The following ENO1 variants were observed in gnomAD, a reference collection of about 807,000 sequenced individuals.
The protein encoded by ENO1 is enolase 1.
Under a neutral mutation model 46.3 loss-of-function variants are expected in ENO1, and 33 were observed. The observed-to-expected ratio is 0.71, with a 90% CI of 0.54 to 0.95. ENO1 has a LOEUF of 0.95. Among genes scored for constraint, ENO1 ranks in the 40% least tolerant of loss-of-function variants. ENO1 has a pLI of 0.00. For missense variants in ENO1, 488 were observed against 553.3 expected (o/e 0.88, Z 1.18); for synonymous variants, 220 against 216.0 (o/e 1.02, Z -0.16).
intron 2 of ENO1, 80 bp downstream of exon 2, chr1:8,874,744 T>A (rs1303768184): frequency 7.7e-7 from 1 of 1,296,554 alleles, no homozygotes; most frequent in African/African-American, 1.5e-5. Flanking sequence ...TTTTTTTTCC[T>A]AAGGCTCCAG....
intron 4 of ENO1, among the ~76,000 whole-genome samples, chr1:8,868,282 G>A (rs1421243749): frequency 6.6e-6 from 1 of 152,130 alleles, no homozygotes; most frequent in African/African-American, 2.4e-5. Context: ...ATGCAACAGA[G>A]ATGGCACTCT....
chr1:8,866,587 C>G (rs766164257), intron 6 of ENO1, 86 bp from the exon 7 acceptor site: 7 of 1,429,194 alleles, frequency 4.9e-6, no homozygotes, highest in Non-Finnish European at 5.9e-6. Context: ...CCATCCCAAT[C>G]TAGCTCACAG....
intron 1 of ENO1, chr1:8,877,869 C>T (rs939934427): frequency 2.3e-5 from 2 of 86,928 alleles, no homozygotes; most frequent in Non-Finnish European, 2.6e-5. Flanking sequence ...GCAACAATAG[C>T]AAAACTCAAA....
chr1:8,866,200 G>A lies in ENO1; in HGVS notation c.667+79C>T, dbSNP rs1642509591. On this transcript the variant is annotated intron_variant, in intron 7 of 11. Transcript: ENST00000234590. ...GGTGGAAAGAATAGATTTCCACAGT[G>A]GCAGGTGTGGACGACCCCCCAACAG... 8 of 1,230,036 alleles carry A rather than the reference G, an allele frequency of 6.5e-6. No individual in the cohort carries two copies. The East Asian group carries it at 1.9e-4, about 29-fold the overall frequency. 76.2% of individuals were successfully genotyped at this position (1,230,036 alleles called of 1,614,324 possible). A position where few individuals can be genotyped will look rare whatever the true frequency, so the allele number is the denominator to read the frequency against.
At chr1:8,871,760 T>C (rs1297162148) in intron 3 of ENO1, 131 bp downstream of exon 3, 12 of 1,273,378 alleles carry the variant, frequency 9.4e-6, no homozygotes. Flanking sequence ...TCCATCAACA[T>C]CATGGGTCAC....
chr1:8,872,007 TGTA>T (rs1557585870), intron 2 of ENO1, 21 bp from the exon 3 acceptor site: 1 of 1,605,090 alleles, frequency 6.2e-7, no homozygotes, highest in East Asian at 2.2e-5. Context: ...GGAAAAAAGA[TGTA>T]GTAGCAATTC....
intron 4 of ENO1, 44 bp downstream of exon 4, chr1:8,870,408 T>G (rs2124088097): frequency 4.3e-6 from 7 of 1,613,596 alleles, no homozygotes; most frequent in Non-Finnish European, 5.9e-6. Flanking sequence ...TGGGAGACGC[T>G]CTGGTGGCAT....
intron 1 of ENO1, chr1:8,875,745 T>C (rs1190749164): frequency 6.6e-6 from 1 of 152,204 alleles, no homozygotes; most frequent in Non-Finnish European, 1.5e-5. Context: ...GTCTTCAGTG[T>C]TGTTATGTCA....
rs749592337 is a variant in ENO1 at position 8,861,880 on chromosome 1, TA to T, written c.1236-452del. Among the ~76,000 whole-genome samples the T allele has an allele frequency of 1.9e-3, 211 of 112,566 alleles. 1 individual carries two copies. The highest frequency in any genetic ancestry group is 3.5e-3 in the African/African-American group (100 of 28,286). The allele number at this position is 112,566 out of a possible 152,430, so 73.8% of individuals were successfully genotyped here. ...GTGTGAGCTGTTTGGATCTTGATGTTAAAAAAAAAAAAAAAAAAAAAGGCCA... is the reference window on the plus strand; with the variant it reads ...GTGTGAGCTGTTTGGATCTTGATGTTAAAAAAAAAAAAAAAAAAAAGGCCA... On this transcript the variant is annotated intron_variant, in intron 11 of 11. Transcript: ENST00000234590.
intron 9 of ENO1, among the ~76,000 whole-genome samples, chr1:8,863,677 A>G (rs1471374411): frequency 1.3e-5 from 2 of 152,188 alleles, no homozygotes; most frequent in Non-Finnish European, 2.9e-5. Flanking sequence ...CCCGAGCTCA[A>G]GTGATCCTCC....
chr1:8,870,896 G>A, intron 3 of ENO1: 1 of 1,254,492 alleles, frequency 8.0e-7, no homozygotes. Context: ...GCCCAGCAGA[G>A]GATGAAGAAG....
intron 7 of ENO1, 40 bp downstream of exon 7, chr1:8,866,239 T>A (rs1421274635): frequency 6.3e-7 from 1 of 1,584,094 alleles, no homozygotes; most frequent in Non-Finnish European, 8.6e-7. Flanking sequence ...GAGCTGGCGC[T>A]GCAGGGCTGG....
At chr1:8,865,069 T>G (rs949711748) in intron 8 of ENO1, among the ~76,000 whole-genome samples, 2 of 152,234 alleles carry the variant, frequency 1.3e-5, no homozygotes, top group Admixed American at 6.5e-5. Context: ...ATGTCGCTGC[T>G]GGCACCCGAG....
chr1:8,873,618 C>A (rs555623974), intron 2 of ENO1, among the ~76,000 whole-genome samples: 1 of 152,194 alleles, frequency 6.6e-6, no homozygotes, highest in South Asian at 2.1e-4. Flanking sequence ...CAGTGAGAAA[C>A]CCCACAGTGC....
Position 8,864,069 on chromosome 1 carries a change from C to A in ENO1, c.889G>T (p.Asp297Tyr). 1 of 1,614,052 alleles carries A rather than the reference C, an allele frequency of 6.2e-7. No homozygotes were observed. Among genetic ancestry groups the A allele is most frequent in the South Asian group, 1.1e-5 (1 of 91,066 alleles). Residue 297 changes from aspartate (D) to tyrosine (Y), a missense_variant, in exon 9 of 12, where the codon GAC becomes TAC. Transcript: ENST00000234590. ...YPVVSIEDPF[D>Y]QDDWGAWQKF... The stretch of plus-strand genomic sequence containing the variant: ...TGCCAAGCTCCCCAGTCATCCTGGT[C>A]AAAGGGATCTTCGATAGACACCACT...
At position 8,865,615 on chromosome 1, in the gene ENO1, C is replaced by A. The variant is rs1642495196; in HGVS notation, c.668-133G>T. 4.7e-6 allele frequency: 4 copies of A among 844,628 alleles called. No homozygotes were observed. In the African/African-American group the frequency reaches 5.1e-5, roughly 11 times the overall value. The allele number at this position is 844,628 out of a possible 1,614,324, so 52.3% of individuals were successfully genotyped here. A position where few individuals can be genotyped will look rare whatever the true frequency, so the allele number is the denominator to read the frequency against. On this transcript the variant is annotated intron_variant, in intron 7 of 11. Transcript: ENST00000234590. ...AGGCCCCAACCAGTAGTTCTGACAT[C>A]AGTTACTTTTTTTCTGCTTTGGGGC...
intron 2 of ENO1, among the ~76,000 whole-genome samples, chr1:8,872,334 TG>T (rs1280296533): frequency 3.3e-5 from 5 of 152,184 alleles, no homozygotes; most frequent in African/African-American, 1.2e-4. Flanking sequence ...CCAGCAGCAC[TG>T]CCCAAGAGAA....
At chr1:8,865,869 GAT>G in intron 7 of ENO1, 1 of 338,548 alleles carries the variant, frequency 3.0e-6, no homozygotes, top group South Asian at 2.8e-5. Context: ...GGCAGCCCGG[GAT>G]GGCAGGATCC....
In ENO1 at chr1:8,870,500, C is replaced by T; in HGVS notation, c.192G>A (p.Lys64=). ...KTRYMGKGVS[K]AVEHINKTIA... The stretch of plus-strand genomic sequence containing the variant: ...TAGTTTTATTGATGTGCTCAACAGC[C>T]TTTGAGACACCTGGAAGGAACAATC... Residue 64 remains lysine (K), a synonymous_variant, in exon 4 of 12, where the codon AAG becomes AAA. Transcript: ENST00000234590. 1 of 1,614,174 alleles carries T rather than the reference C, an allele frequency of 6.2e-7. No homozygotes were observed. The highest frequency in any genetic ancestry group is 1.7e-5 in the Admixed American group (1 of 60,034).
Sources: gnomAD v4.1 joint callset for allele counts (sites outside exome capture counted in the v4.1 genomes callset) on GRCh38, gnomAD v4.1.1 for gene constraint, MANE v1.5 for transcripts, NCBI Gene and HGNC (gene_info 2026-07-23, HGNC 2026-07-21) for gene names.